The following TSPEAR variants were observed in gnomAD, a reference collection of about 807,000 sequenced individuals.
TSPEAR encodes the protein thrombospondin-type laminin G domain and EAR repeat-containing protein.
In TSPEAR, 69 loss-of-function variants were observed where a neutral mutation model predicts 71.6. The observed-to-expected ratio is 0.96, with a 90% CI of 0.79 to 1.18. TSPEAR has a LOEUF of 1.18. Among genes scored for constraint, TSPEAR ranks in the 50% most tolerant of loss-of-function variants. The pLI is 0.00. For synonymous variants in TSPEAR, 402 were observed against 387.2 expected, an observed-to-expected ratio of 1.04 and a Z score of -0.45; for missense variants, 971 against 894.9, an observed-to-expected ratio of 1.09 and a Z score of -1.09.
intron 1 of TSPEAR, among the ~76,000 whole-genome samples, chr21:44,611,490 A>G (rs1981667507): frequency 6.6e-6 from 1 of 151,974 alleles, no homozygotes; most frequent in Admixed American, 6.5e-5. Context: ...TGTAAGTCCA[A>G]TTAAAGCCCT....
intron 1 of TSPEAR, among the ~76,000 whole-genome samples, chr21:44,699,829 T>C (rs1555951287): frequency 6.6e-6 from 1 of 152,226 alleles, no homozygotes; most frequent in Non-Finnish European, 1.5e-5. Flanking sequence ...AAGCTGCATC[T>C]GGGCACATCT....
intron 1 of TSPEAR, among the ~76,000 whole-genome samples, chr21:44,618,690 G>A (rs1270323402): frequency 1.3e-5 from 2 of 152,198 alleles, no homozygotes; most frequent in African/African-American, 4.8e-5. Context: ...TTGTAAGGCA[G>A]TGCAGTTGCC....
intron 1 of TSPEAR, among the ~76,000 whole-genome samples, chr21:44,630,179 G>C (rs1231990717): frequency 6.6e-6 from 1 of 152,214 alleles, no homozygotes; most frequent in Non-Finnish European, 1.5e-5. Context: ...GGGGGAACAA[G>C]CACTGGGGAA....
chr21:44,559,864 C>T (rs2146054172), intron 2 of TSPEAR, among the ~76,000 whole-genome samples: 1 of 152,264 alleles, frequency 6.6e-6, no homozygotes, highest in African/African-American at 2.4e-5. Flanking sequence ...GCAGGGCTTT[C>T]CAAAATTAGG....
At chr21:44,533,982 A>G (rs1380433176) in intron 2 of TSPEAR, 59 bp from the exon 3 acceptor site, 5 of 1,266,392 alleles carry the variant, frequency 3.9e-6, no homozygotes, top group Non-Finnish European at 4.5e-6. Flanking sequence ...GTGCGGGGGC[A>G]GGGCAGATGG....
intron 1 of TSPEAR, among the ~76,000 whole-genome samples, chr21:44,588,653 A>G (rs1219022804): frequency 1.3e-5 from 2 of 148,820 alleles, no homozygotes; most frequent in African/African-American, 4.9e-5. Flanking sequence ...ACGAGTGGAT[A>G]AAGAAACTTT....
In TSPEAR at chr21:44,580,752, G is replaced by A. The variant is rs587710414; in HGVS notation, c.83-12747C>T. On this transcript the variant is annotated intron_variant, in intron 1 of 11. Transcript: ENST00000323084. ...CTCCACAAGCTTCTCTTCCTTGTTG[G>A]TGTTTAGAGCTGGTGGCTGGAGATG... is the stretch of plus-strand genomic sequence containing the variant. 78 of 714,930 alleles carry A rather than the reference G, an allele frequency of 1.1e-4. 1 individual carries two copies. In the African/African-American group the frequency reaches 1.4e-3, roughly 13 times the overall value. The allele number at this position is 714,930 out of a possible 1,614,324, so 44.3% of individuals were successfully genotyped here. A position where few individuals can be genotyped will look rare whatever the true frequency, so the allele number is the denominator to read the frequency against.
chr21:44,658,460 G>T, intron 1 of TSPEAR: 1 of 611,758 alleles, frequency 1.6e-6, no homozygotes, highest in East Asian at 2.8e-5. Flanking sequence ...GGAAGTCTTG[G>T]CTGCCAGAGT....
At chr21:44,654,008 C>G (rs1555941966) in intron 1 of TSPEAR, among the ~76,000 whole-genome samples, 1 of 152,220 alleles carries the variant, frequency 6.6e-6, no homozygotes, top group Non-Finnish European at 1.5e-5. Context: ...CACTCAGCAT[C>G]TGGTATTTAT....
chr21:44,568,797 A>G (rs1569190887), intron 1 of TSPEAR, among the ~76,000 whole-genome samples: 1 of 152,134 alleles, frequency 6.6e-6, no homozygotes, highest in Non-Finnish European at 1.5e-5. Context: ...TGGCTGAATG[A>G]AGCAGGTGTT....
At position 44,684,149 on chromosome 21, in the gene TSPEAR, A is replaced by C. The variant is rs8127265; in HGVS notation, c.82+27284T>G. On this transcript the variant is annotated intron_variant, in intron 1 of 11. Coordinates refer to ENST00000323084, the MANE Select transcript of TSPEAR (RefSeq NM_144991.3). ...GATAAGAAAAACGCCCTGGCTTCTC[A>C]TGAGAAACAGTGGAGACACATCTTT... is the stretch of plus-strand genomic sequence containing the variant. Among the ~76,000 whole-genome samples, 7 of 152,042 alleles carry C rather than the reference A, an allele frequency of 4.6e-5. No homozygotes were observed. The East Asian group carries it at 7.7e-4, about 17-fold the overall frequency.
rs1211491581 is a variant in TSPEAR, at chr21:44,695,350, C to T, written c.82+16083G>A. Among the ~76,000 whole-genome samples the T allele has an allele frequency of 6.6e-6, 1 of 152,154 alleles. No individual in the cohort carries two copies. The highest frequency in any genetic ancestry group is 6.5e-5 in the Admixed American group (1 of 15,280). On this transcript the variant is annotated intron_variant, in intron 1 of 11. Transcript: ENST00000323084. This position sits in a 1 kb window ranked among gnomAD's most constrained non-coding sequence, Gnocchi z 4.5. ...GGCCCCTGGGTCTCGGTCCCCAAAG[C>T]ACCTCTTCTCAGACCTTCTACTGAG... is the stretch of plus-strand genomic sequence containing the variant.
intron 1 of TSPEAR, among the ~76,000 whole-genome samples, chr21:44,585,184 A>G (rs1979259187): frequency 6.6e-6 from 1 of 152,174 alleles, no homozygotes; most frequent in Non-Finnish European, 1.5e-5. Flanking sequence ...CCTGTTGTTT[A>G]AGAACAGCCC....
Position 44,660,235 on chromosome 21 carries a change from A to G in TSPEAR, c.82+51198T>C, listed in dbSNP as rs1601540729. ...AGAGGTAATAGTTGAGAAATATTCT[A>G]AAAATAATGAAATACATAAAGTCCC... is the stretch of plus-strand genomic sequence containing the variant. On this transcript the variant is annotated intron_variant, in intron 1 of 11. Transcript: ENST00000323084. 2.6e-5 allele frequency among the ~76,000 whole-genome samples: 4 copies of G among 152,232 alleles called. No individual in the cohort carries two copies. In the East Asian group the frequency reaches 7.7e-4, roughly 29 times the overall value.
At chr21:44,702,145 G>A in intron 1 of TSPEAR, 4 of 1,290,172 alleles carry the variant, frequency 3.1e-6, no homozygotes, top group Non-Finnish European at 4.3e-6. Context: ...CACAGGGGTG[G>A]AGACTGAAGC....
chr21:44,614,201 G>A (rs587734093), intron 1 of TSPEAR, among the ~76,000 whole-genome samples: 2 of 152,258 alleles, frequency 1.3e-5, no homozygotes, highest in South Asian at 2.1e-4. Flanking sequence ...GATCTGTGAC[G>A]CCAGCGTCAC....
chr21:44,532,310 G>A (rs2052989439), intron 3 of TSPEAR, among the ~76,000 whole-genome samples: 1 of 152,224 alleles, frequency 6.6e-6, no homozygotes, highest in Non-Finnish European at 1.5e-5. Flanking sequence ...GGCCTCAGGC[G>A]CTGCCGCCAC....
intron 1 of TSPEAR, among the ~76,000 whole-genome samples, chr21:44,638,993 G>A (rs1269522007): frequency 1.3e-5 from 2 of 152,046 alleles, no homozygotes; most frequent in South Asian, 2.1e-4. Context: ...CCCAGGACTC[G>A]AGCCCAGCAG....
rs59452363 is a variant in TSPEAR, at chr21:44,674,731, A to AGTGTGTGT, written c.82+36694_82+36701dup. Among the ~76,000 whole-genome samples, 640 of 127,138 alleles carry AGTGTGTGT rather than the reference A, an allele frequency of 5.0e-3. 4 individuals carry two copies. The highest frequency in any genetic ancestry group is 8.0e-3 in the Middle Eastern group (2 of 250). The allele number at this position is 127,138 out of a possible 152,430, so 83.4% of individuals were successfully genotyped here. A position where few individuals can be genotyped will look rare whatever the true frequency, so the allele number is the denominator to read the frequency against. ...TGACAAAGGGAGACTCTGTCTTTAAAGTGTGTGTGTGTGTGTGTGTGTGTG... is the reference window on the plus strand; with the variant it reads ...TGACAAAGGGAGACTCTGTCTTTAAAGTGTGTGTGTGTGTGTGTGTGTGTGTGTGTGTG... On this transcript the variant is annotated intron_variant, in intron 1 of 11. Coordinates refer to ENST00000323084, the MANE Select transcript of TSPEAR (RefSeq NM_144991.3).
Sources: allele counts gnomAD v4.1 joint callset (sites outside exome capture counted in the v4.1 genomes callset), GRCh38; gene constraint gnomAD v4.1.1; non-coding constraint Gnocchi (gnomAD v3.1); transcripts MANE v1.5; gene names NCBI Gene and HGNC (gene_info 2026-07-23, HGNC 2026-07-21).